COL19A1: variants seen among roughly 807,000 people sequenced by gnomAD.
The protein encoded by COL19A1 is collagen alpha-1(XIX) chain.
COL19A1 carries 159 observed loss-of-function variants against 190.2 expected under a neutral mutation model. The observed-to-expected ratio is 0.84, with a 90% CI of 0.73 to 0.95. The LOEUF is 0.95. Ranked by LOEUF, COL19A1 falls within the 40% of genes least tolerant of loss-of-function variation. The pLI is 0.00. For missense variants in COL19A1, 1,418 were observed against 1,431.9 expected (o/e 0.99, Z 0.16); for synonymous variants, 509 against 458.9 (o/e 1.11, Z -1.39).
At chr6:70,168,286 C>G in intron 39 of COL19A1, 71 bp downstream of exon 39, 1 of 1,502,182 alleles carries the variant, frequency 6.7e-7, no homozygotes, top group South Asian at 1.2e-5. Flanking sequence ...CAATAAAAAC[C>G]TCTTAAGTTC....
At chr6:69,899,224 G>T (rs560860570) in intron 3 of COL19A1, among the ~76,000 whole-genome samples, 2 of 151,060 alleles carry the variant, frequency 1.3e-5, no homozygotes, top group East Asian at 3.9e-4. Flanking sequence ...GAGTGCAGTG[G>T]TGTGATCTCA....
intron 11 of COL19A1, among the ~76,000 whole-genome samples, chr6:69,966,138 C>T (rs901945408): frequency 6.6e-6 from 1 of 152,162 alleles, no homozygotes; most frequent in Non-Finnish European, 1.5e-5. Flanking sequence ...ACATTAGAAG[C>T]CGTCCGGGAG....
At chr6:69,918,873 G>A (rs1000611849) in intron 4 of COL19A1, among the ~76,000 whole-genome samples, 10 of 152,176 alleles carry the variant, frequency 6.6e-5, no homozygotes, top group Admixed American at 2.6e-4. Context: ...TGGAATCCTT[G>A]TGGAGGGATG....
chr6:70,083,195 G>A (rs1230468184), intron 15 of COL19A1, among the ~76,000 whole-genome samples: 1 of 152,112 alleles, frequency 6.6e-6, no homozygotes, highest in Admixed American at 6.5e-5. Context: ...GTGCATATAG[G>A]TACTTTGTAT....
At chr6:69,899,155 A>T in intron 3 of COL19A1, 133 bp downstream of exon 3, 1 of 583,928 alleles carries the variant, frequency 1.7e-6, no homozygotes, top group Non-Finnish European at 3.0e-6. Flanking sequence ...AATTTTAAGA[A>T]TTCTTTTTAA....
chr6:70,066,210 C>A (rs1781186208), intron 14 of COL19A1, among the ~76,000 whole-genome samples: 1 of 152,268 alleles, frequency 6.6e-6, no homozygotes, highest in African/African-American at 2.4e-5. Context: ...AAATGTCCAA[C>A]AGTGATAGAC....
At chr6:69,913,221 A>C (rs1335874644) in intron 4 of COL19A1, among the ~76,000 whole-genome samples, 1 of 152,206 alleles carries the variant, frequency 6.6e-6, no homozygotes, top group Non-Finnish European at 1.5e-5. Flanking sequence ...ATTGAGAAAA[A>C]ATATTTTATG....
Position 69,938,050 on chromosome 6 carries a change from T to A in COL19A1, c.886T>A (p.Leu296Ile). 6.2e-7 allele frequency: 1 copy of A among 1,612,704 alleles called. No homozygotes were observed. Among genetic ancestry groups the A allele is most frequent in the Admixed American group, 1.7e-5 (1 of 59,870 alleles). The change falls in exon 9 of 51, where the codon TTA becomes ATA. Residue 296 changes from leucine (L) to isoleucine (I), a missense_variant. Leu to Ile is a conservative substitution (Grantham distance 5). Coordinates refer to ENST00000620364, the MANE Select transcript of COL19A1 (RefSeq NM_001858.6). ...QCIPNKGEAG[L>I]PGAPGSPGQK... ...CATTTTTGCTCAGGGAGAAGCAGGA[T>A]TACCAGGAGCTCCGGGTTCACCTGG...
intron 9 of COL19A1, among the ~76,000 whole-genome samples, chr6:69,955,494 G>A (rs1295485038): frequency 1.3e-5 from 2 of 149,694 alleles, no homozygotes; most frequent in African/African-American, 4.9e-5. Flanking sequence ...ATTAATAGAA[G>A]TACAAAACTG....
At chr6:69,873,232 A>G (rs1377343707) in intron 1 of COL19A1, among the ~76,000 whole-genome samples, 1 of 151,718 alleles carries the variant, frequency 6.6e-6, no homozygotes, top group Non-Finnish European at 1.5e-5. Flanking sequence ...TCTCTGAATA[A>G]TCAAGATCCT....
intron 2 of COL19A1, among the ~76,000 whole-genome samples, chr6:69,898,528 CTTTAGTT>C (rs1468122001): frequency 6.6e-6 from 1 of 151,804 alleles, no homozygotes; most frequent in Non-Finnish European, 1.5e-5. Context: ...TATATGTTGC[CTTTAGTT>C]TTTAAAGTTT....
Position 69,900,347 on chromosome 6 carries a change from A to G in COL19A1, c.266+9A>G. On this transcript the variant is annotated intron_variant, in intron 4 of 50. Transcript: ENST00000620364. ...CTTATTAGAGACACTATGTAAGTAA[A>G]AAATTATTTTCTTTATGTTTAATAA... 1.4e-6 allele frequency: 2 copies of G among 1,394,240 alleles called. No individual in the cohort carries two copies. Among genetic ancestry groups the G allele is most frequent in the South Asian group, 1.4e-5 (1 of 69,926 alleles). The allele number at this position is 1,394,240 out of a possible 1,614,324, so 86.4% of individuals were successfully genotyped here. A position where few individuals can be genotyped will look rare whatever the true frequency, so the allele number is the denominator to read the frequency against.
intron 16 of COL19A1, among the ~76,000 whole-genome samples, chr6:70,113,145 A>G (rs577746792): frequency 1.4e-4 from 21 of 152,262 alleles, no homozygotes; most frequent in African/African-American, 4.8e-4. Flanking sequence ...AAGGTGGGGG[A>G]AAAGCTAGCG....
intron 15 of COL19A1, among the ~76,000 whole-genome samples, chr6:70,082,716 A>C (rs1782335297): frequency 2.0e-5 from 3 of 152,148 alleles, no homozygotes; most frequent in African/African-American, 7.2e-5. Flanking sequence ...CAGCCAATGA[A>C]GCACTTAGAT....
At chr6:69,905,401 C>CAGCT (rs1457268394) in intron 4 of COL19A1, among the ~76,000 whole-genome samples, 9 of 152,208 alleles carry the variant, frequency 5.9e-5, no homozygotes, top group African/African-American at 2.2e-4. Flanking sequence ...GCTACATGGA[C>CAGCT]AGCTCTCCCT....
intron 11 of COL19A1, among the ~76,000 whole-genome samples, chr6:69,989,001 A>G (rs778801982): frequency 1.3e-5 from 2 of 152,082 alleles, no homozygotes; most frequent in Non-Finnish European, 2.9e-5. Context: ...TGTAATTTTT[A>G]TGAACTCTTG....
At chr6:69,989,151 T>G (rs1358360890) in intron 11 of COL19A1, among the ~76,000 whole-genome samples, 1 of 152,128 alleles carries the variant, frequency 6.6e-6, no homozygotes, top group African/African-American at 2.4e-5. Context: ...TACATACCGC[T>G]AAGTTTTTTA....
intron 11 of COL19A1, among the ~76,000 whole-genome samples, chr6:69,991,875 T>A (rs1281623884): frequency 6.6e-6 from 1 of 151,516 alleles, no homozygotes; most frequent in Non-Finnish European, 1.5e-5. Flanking sequence ...TTTTGTTTGT[T>A]TTTTGCTGTG....
chr6:69,929,454 G>A lies in COL19A1; in HGVS notation c.420G>A (p.Lys140=). The A allele has an allele frequency of 6.2e-7, 1 of 1,613,926 alleles. No individual in the cohort carries two copies. Among genetic ancestry groups the A allele is most frequent in the Non-Finnish European group, 8.5e-7 (1 of 1,179,920 alleles). ...QISIVVDGGK[K]VVEFMFQATE... ...CTATAGTAGTTGATGGTGGAAAGAA[G>A]GTGGTGGAATTTATGTTTCAAGCCA... The change falls in exon 6 of 51, where the codon AAG becomes AAA. Residue 140 remains lysine (K), a synonymous_variant. Transcript: ENST00000620364.
Sources: allele counts gnomAD v4.1 joint callset (sites outside exome capture counted in the v4.1 genomes callset), GRCh38; gene constraint gnomAD v4.1.1; transcripts MANE v1.5; gene names NCBI Gene and HGNC (gene_info 2026-07-23, HGNC 2026-07-21).